Variants in CACNA2D1 observed in about 807,000 individuals in gnomAD.
CACNA2D1 encodes the protein voltage-dependent calcium channel subunit alpha-2/delta-1.
Under a neutral mutation model 171.5 loss-of-function variants are expected in CACNA2D1, and 53 were observed. The ratio of observed to expected loss-of-function variants is 0.31; its 90% CI spans 0.25 to 0.39. CACNA2D1 has a LOEUF of 0.39. Ranked by LOEUF, CACNA2D1 falls within the 10% of genes least tolerant of loss-of-function variation. The probability of loss-of-function intolerance (pLI) is 1.00; values close to 1 mark genes in which losing one functional copy is unlikely to be tolerated. For synonymous variants in CACNA2D1, 442 were observed against 443.1 expected, an observed-to-expected ratio of 1.00 and a Z score of 0.03; for missense variants, 903 against 1,299.8, an observed-to-expected ratio of 0.69 and a Z score of 4.69.
At chr7:82,318,784 T>A (rs1475759942) in intron 3 of CACNA2D1, among the ~76,000 whole-genome samples, 1 of 152,216 alleles carries the variant, frequency 6.6e-6, no homozygotes, top group East Asian at 1.9e-4. Flanking sequence ...TTTTTCATTC[T>A]ATACTTCTTG....
At chr7:81,967,481 C>T in intron 30 of CACNA2D1, 115 bp downstream of exon 30, 2 of 662,410 alleles carry the variant, frequency 3.0e-6, no homozygotes, top group Non-Finnish European at 5.3e-6. Flanking sequence ...CAGAATTCTA[C>T]TTCAGTGTAG....
At chr7:82,381,313 C>CAAAAAAA (rs11307965) in intron 1 of CACNA2D1, among the ~76,000 whole-genome samples, 1 of 74,620 alleles carries the variant, frequency 1.3e-5, no homozygotes. Context: ...GACTCTGTCT[C>CAAAAAAA]AAAAAAAAAA....
intron 1 of CACNA2D1, among the ~76,000 whole-genome samples, chr7:82,352,792 G>A (rs777283512): frequency 1.2e-4 from 19 of 152,126 alleles, no homozygotes; most frequent in African/African-American, 2.4e-5. Context: ...ATTGAGCAGA[G>A]AGGGAAGTAA....
chr7:82,388,851 C>T (rs1824741244), intron 1 of CACNA2D1, among the ~76,000 whole-genome samples: 1 of 152,032 alleles, frequency 6.6e-6, no homozygotes, highest in Non-Finnish European at 1.5e-5. Context: ...CACGGTGGCT[C>T]ACGCCTGTAA....
At chr7:82,038,558 G>T (rs1451446717) in intron 10 of CACNA2D1, among the ~76,000 whole-genome samples, 2 of 152,162 alleles carry the variant, frequency 1.3e-5, no homozygotes, top group African/African-American at 4.8e-5. Flanking sequence ...CCAAAGCAAT[G>T]AAATAGATGC....
intron 3 of CACNA2D1, among the ~76,000 whole-genome samples, chr7:82,242,553 A>C (rs1337565102): frequency 6.6e-6 from 1 of 152,186 alleles, no homozygotes; most frequent in African/African-American, 2.4e-5. Context: ...CACATTTTCA[A>C]ATACAGTCAA....
chr7:82,369,291 C>A (rs1018046063), intron 1 of CACNA2D1, among the ~76,000 whole-genome samples: 1 of 151,738 alleles, frequency 6.6e-6, no homozygotes, highest in African/African-American at 2.4e-5. Context: ...AATGTTAATT[C>A]TATTACCTGA....
chr7:82,337,489 T>C (rs1033307472), intron 2 of CACNA2D1, among the ~76,000 whole-genome samples: 4 of 152,224 alleles, frequency 2.6e-5, no homozygotes, highest in Non-Finnish European at 5.9e-5. Context: ...TGTATATTTC[T>C]AACTCTTTCC....
intron 3 of CACNA2D1, among the ~76,000 whole-genome samples, chr7:82,238,178 T>C (rs1803836950): frequency 6.6e-6 from 1 of 152,036 alleles, no homozygotes; most frequent in Non-Finnish European, 1.5e-5. Flanking sequence ...TTGTCTGTCT[T>C]CTAGTAGTGT....
intron 18 of CACNA2D1, among the ~76,000 whole-genome samples, chr7:81,998,597 A>C (rs1798284760): frequency 6.6e-6 from 1 of 152,058 alleles, no homozygotes; most frequent in Non-Finnish European, 1.5e-5. Flanking sequence ...TTGATAAATG[A>C]ACATTCTTAA....
intron 3 of CACNA2D1, among the ~76,000 whole-genome samples, chr7:82,323,096 T>C (rs1816193769): frequency 6.6e-6 from 1 of 152,208 alleles, no homozygotes; most frequent in East Asian, 1.9e-4. Context: ...TCAGATTGTC[T>C]TTGAATTTAT....
At chr7:82,024,137 C>T (rs537640059) in intron 12 of CACNA2D1, among the ~76,000 whole-genome samples, 1 of 151,454 alleles carries the variant, frequency 6.6e-6, no homozygotes, top group Non-Finnish European at 1.5e-5. Flanking sequence ...CTTCAAGATC[C>T]TAACTTCAGT....
intron 12 of CACNA2D1, among the ~76,000 whole-genome samples, chr7:82,017,164 T>C (rs932070746): frequency 5.3e-5 from 8 of 152,094 alleles, no homozygotes; most frequent in Non-Finnish European, 1.0e-4. Flanking sequence ...ATGGATTATA[T>C]AGATTATCTT....
At chr7:81,985,403 T>C (rs758701615) in intron 21 of CACNA2D1, among the ~76,000 whole-genome samples, 5 of 151,988 alleles carry the variant, frequency 3.3e-5, no homozygotes, top group Admixed American at 3.3e-4. Flanking sequence ...GTTTACACTA[T>C]GTTGCCCAGG....
chr7:82,108,047 C>T (rs1257018455), intron 6 of CACNA2D1, among the ~76,000 whole-genome samples: 2 of 152,082 alleles, frequency 1.3e-5, no homozygotes, highest in Non-Finnish European at 2.9e-5. Flanking sequence ...TCACAACAAA[C>T]CACGTCACAT....
intron 3 of CACNA2D1, among the ~76,000 whole-genome samples, chr7:82,259,396 G>A (rs1806788825): frequency 6.6e-6 from 1 of 152,206 alleles, no homozygotes; most frequent in African/African-American, 2.4e-5. Flanking sequence ...ATATTTTAGT[G>A]TCCTTCTGTA....
At chr7:82,045,387 C>T (rs1804437006) in intron 10 of CACNA2D1, among the ~76,000 whole-genome samples, 1 of 151,912 alleles carries the variant, frequency 6.6e-6, no homozygotes, top group Non-Finnish European at 1.5e-5. Flanking sequence ...GAGCCTATTC[C>T]TTTACTATTT....
intron 3 of CACNA2D1, among the ~76,000 whole-genome samples, chr7:82,276,582 T>C (rs1318788403): frequency 6.6e-6 from 1 of 152,166 alleles, no homozygotes; most frequent in East Asian, 1.9e-4. Flanking sequence ...TTAAGTTTAG[T>C]TCTTAATTCT....
intron 3 of CACNA2D1, among the ~76,000 whole-genome samples, chr7:82,292,974 C>T (rs1021755309): frequency 6.6e-6 from 1 of 151,708 alleles, no homozygotes; most frequent in African/African-American, 2.4e-5. Flanking sequence ...AATTTCTTCC[C>T]CTTGATTTTT....
Sources: allele counts gnomAD v4.1 joint callset (sites outside exome capture counted in the v4.1 genomes callset), GRCh38; gene constraint gnomAD v4.1.1; transcripts MANE v1.5; gene names NCBI Gene and HGNC (gene_info 2026-07-23, HGNC 2026-07-21).